The following SPRR2B variants were observed in gnomAD, a reference collection of about 807,000 sequenced individuals.
SPRR2B encodes small proline rich protein 2B, also known as small proline-rich protein 2B.
A neutral mutation model predicts 1.0 loss-of-function variants in SPRR2B; 1 was observed. That is an observed-to-expected ratio of 1.01 (90% CI 0.36 to 4.77). SPRR2B has a LOEUF of 4.77. Ranked by LOEUF, SPRR2B falls within the 30% of genes most tolerant of loss-of-function variation. SPRR2B has a pLI of 0.16. For missense variants in SPRR2B, 53 were observed against 88.7 expected (o/e 0.60, Z 1.62); for synonymous variants, 27 against 33.4 (o/e 0.81, Z 0.66).
At chr1:153,078,533 G>A in the SPRR2B span, among the ~76,000 whole-genome samples, 1 of 151,546 alleles carries the variant, frequency 6.6e-6, no homozygotes, top group African/African-American at 2.4e-5. Context: ...CCCACAACCG[G>A]CCCCAGTGTG....
At chr1:153,086,902 AT>A in the SPRR2B span, among the ~76,000 whole-genome samples, 2 of 152,246 alleles carry the variant, frequency 1.3e-5, no homozygotes, top group African/African-American at 4.8e-5. Context: ...TTGGAATAAC[AT>A]TAGAAATTAA....
At chr1:153,073,750 A>G (rs946092918), upstream of SPRR2B, among the ~76,000 whole-genome samples, 3 of 151,210 alleles carry the variant, frequency 2.0e-5, no homozygotes, top group South Asian at 2.1e-4. Context: ...GTCTTTATCT[A>G]TCATCTATCT....
chr1:153,070,774 C>G lies in SPRR2B; in HGVS notation c.66G>C (p.Lys22Asn). Residue 22 changes from lysine (K) to asparagine (N), a missense_variant, in exon 2 of 2, where the codon AAG (lysine) becomes AAC (asparagine). Lys to Asn is a moderately conservative substitution (Grantham distance 94). Coordinates refer to ENST00000368755, the MANE Select transcript of SPRR2B (RefSeq NM_001388198.1). ...CQPPPVCPTP[K>N]CPEPCPPPKC... ...TCGGGGGTGGACATGGCTCTGGGCA[C>G]TTTGGCGTGGGGCACACAGGAGGTG... The G allele has an allele frequency of 1.2e-6, 2 of 1,603,172 alleles. No individual in the cohort carries two copies. The highest frequency in any genetic ancestry group is 2.2e-5 in the East Asian group (1 of 44,748).
chr1:153,070,951 A>G, intron 1 of SPRR2B, 93 bp from the exon 2 acceptor site: 1 of 1,074,878 alleles, frequency 9.3e-7, no homozygotes, highest in Non-Finnish European at 1.3e-6. Flanking sequence ...TTATTTCTCC[A>G]ATCTCCAAAA....
At chr1:153,084,131 C>T in the SPRR2B span, among the ~76,000 whole-genome samples, 388 of 152,250 alleles carry the variant, frequency 2.5e-3, 1 homozygote, top group Middle Eastern at 0.027. Context: ...AGAACTCCAG[C>T]GAGGCAGCTG....
upstream of SPRR2B, among the ~76,000 whole-genome samples, chr1:153,072,870 T>G (rs1375426887): frequency 1.3e-5 from 2 of 152,202 alleles, no homozygotes; most frequent in Non-Finnish European, 2.9e-5. Context: ...TGGGGCTTAC[T>G]AAGCATCATA....
rs371615728 is a variant in SPRR2B, at chr1:153,070,744, G to A, written c.96C>T (p.Cys32=). 2.5e-6 allele frequency: 4 copies of A among 1,607,506 alleles called. No individual in the cohort carries two copies. Among genetic ancestry groups the A allele is most frequent in the African/African-American group, 2.7e-5 (2 of 74,394 alleles). ...ACTTTGGTGGTGGGCAGGGCTCAGG[G>A]CACTTCGGGGGTGGACATGGCTCTG... ...KCPEPCPPPK[C]PEPCPPPKCP... The change falls in exon 2 of 2, where the codon TGC becomes TGT. Residue 32 remains cysteine (C), a synonymous_variant. Coordinates refer to ENST00000368755, the MANE Select transcript of SPRR2B (RefSeq NM_001388198.1).
the SPRR2B span, among the ~76,000 whole-genome samples, chr1:153,078,849 C>T: frequency 6.6e-6 from 1 of 152,176 alleles, no homozygotes; most frequent in Non-Finnish European, 1.5e-5. Context: ...TTTATAGCAG[C>T]ATGATTTATA....
At chr1:153,078,172 A>G in the SPRR2B span, among the ~76,000 whole-genome samples, 4 of 152,210 alleles carry the variant, frequency 2.6e-5, no homozygotes, top group South Asian at 2.1e-4. Flanking sequence ...GTTGTTTACA[A>G]TAGACGAACT....
chr1:153,082,121 C>T, the SPRR2B span, among the ~76,000 whole-genome samples: 93 of 152,140 alleles, frequency 6.1e-4, no homozygotes, highest in African/African-American at 2.0e-3. Flanking sequence ...CTTTAGGATA[C>T]TATACATAAT....
the SPRR2B span, among the ~76,000 whole-genome samples, chr1:153,078,625 G>A: frequency 6.7e-6 from 1 of 149,468 alleles, no homozygotes; most frequent in Non-Finnish European, 1.5e-5. Context: ...TTGGTTTTTT[G>A]TTCTTGCGAT....
Position 153,070,624 on chromosome 1 carries a change from C to T in SPRR2B, c.216G>A (p.Lys72=). Residue 72 remains lysine, a synonymous_variant, in exon 2 of 2, where the codon AAG becomes AAA. Transcript: ENST00000368755. ...CTCCTGATGAATCCTGAAGCTGTTA[C>T]TTGCTCTTCGGTGGATACTTTGGCT... The part of the protein sequence containing the change: ...PCQPKYPPKS[K] 2 of 1,611,934 alleles carry T rather than the reference C, an allele frequency of 1.2e-6. No individual in the cohort carries two copies. Among genetic ancestry groups the T allele is most frequent in the Non-Finnish European group, 1.7e-6 (2 of 1,179,672 alleles).
chr1:153,074,411 A>C (rs2101612755), upstream of SPRR2B, among the ~76,000 whole-genome samples: 1 of 152,368 alleles, frequency 6.6e-6, no homozygotes, highest in South Asian at 2.1e-4. Flanking sequence ...AAGCTCAGAG[A>C]AAGGGTAACT....
the SPRR2B span, among the ~76,000 whole-genome samples, chr1:153,080,475 C>T: frequency 6.6e-6 from 1 of 152,062 alleles, no homozygotes; most frequent in South Asian, 2.1e-4. Context: ...ATGCAATGAA[C>T]TTTTCCAATC....
chr1:153,075,464 C>G (rs1361541581), upstream of SPRR2B, among the ~76,000 whole-genome samples: 1 of 151,640 alleles, frequency 6.6e-6, no homozygotes, highest in African/African-American at 2.4e-5. Context: ...AAGAGCCAGA[C>G]AGATAGAAAT....
chr1:153,071,230 C>T (rs114966314), intron 1 of SPRR2B, among the ~76,000 whole-genome samples: 2,334 of 144,372 alleles, frequency 0.016, 107 homozygotes, highest in African/African-American at 0.056. Flanking sequence ...GACTTGGGCA[C>T]AGAGCAAGGG....
At chr1:153,085,885 C>A in the SPRR2B span, among the ~76,000 whole-genome samples, 1 of 152,150 alleles carries the variant, frequency 6.6e-6, no homozygotes, top group African/African-American at 2.4e-5. Flanking sequence ...ATACAACATT[C>A]TTAGAGAAAA....
At chr1:153,083,111 C>G in the SPRR2B span, among the ~76,000 whole-genome samples, 1 of 152,016 alleles carries the variant, frequency 6.6e-6, no homozygotes, top group Non-Finnish European at 1.5e-5. Flanking sequence ...TTGGAATGAA[C>G]AAATTCTTAG....
chr1:153,079,244 C>T, the SPRR2B span, among the ~76,000 whole-genome samples: 1 of 151,656 alleles, frequency 6.6e-6, no homozygotes, highest in Non-Finnish European at 1.5e-5. Context: ...GGTTTGAGTT[C>T]AGTGTGGATT....
Sources: gnomAD v4.1 joint callset for allele counts (sites outside exome capture counted in the v4.1 genomes callset) on GRCh38, gnomAD v4.1.1 for gene constraint, MANE v1.5 for transcripts, NCBI Gene and HGNC (gene_info 2026-07-23, HGNC 2026-07-21) for gene names.